The following NDUFB10 variants were observed in gnomAD, a reference collection of about 807,000 sequenced individuals.
The protein encoded by NDUFB10 is NADH:ubiquinone oxidoreductase subunit B10, also known as NADH dehydrogenase [ubiquinone] 1 beta subcomplex subunit 10.
NDUFB10 carries 23 observed loss-of-function variants against 19.0 expected under a neutral mutation model. The observed-to-expected ratio is 1.21, with a 90% CI of 0.87 to 1.71. NDUFB10 has a LOEUF of 1.71. Ranked by LOEUF, NDUFB10 falls within the 40% of genes most tolerant of loss-of-function variation. NDUFB10 has a pLI of 0.00. For missense variants in NDUFB10, 312 were observed against 230.6 expected (o/e 1.35, Z -2.29); for synonymous variants, 104 against 81.8 (o/e 1.27, Z -1.46).
chr16:1,961,762 C>T (rs1567316315), intron 3 of NDUFB10, 35 bp from the exon 4 acceptor site: 1 of 1,542,304 alleles, frequency 6.5e-7, no homozygotes. Flanking sequence ...GTAGCAGAGG[C>T]CTCGGTTCCC....
chr16:1,960,452 A>G (rs1356783882), intron 1 of NDUFB10, among the ~76,000 whole-genome samples: 1 of 152,112 alleles, frequency 6.6e-6, no homozygotes, highest in African/African-American at 2.4e-5. Context: ...CGAACTCCTG[A>G]CCTCAGGTGA....
Position 1,961,815 on chromosome 16 carries a change from A to G in NDUFB10, c.428A>G (p.Tyr143Cys). The G allele has an allele frequency of 6.4e-7, 1 of 1,557,774 alleles. No individual in the cohort carries two copies. Among genetic ancestry groups the G allele is most frequent in the Non-Finnish European group, 8.7e-7 (1 of 1,150,140 alleles). The stretch of plus-strand genomic sequence containing the variant: ...TCCCCAGATCAGGACCTGGGGGCCT[A>G]CAGTTCTGCCAGGAAGTGCCTGGCC... Reference protein sequence around the residue: ...YQDRYQDLGAYSSARKCLAKQ... With the variant: ...YQDRYQDLGACSSARKCLAKQ... The change falls in exon 4 of 4, where the codon TAC (tyrosine) becomes TGC (cysteine). Residue 143 changes from tyrosine to cysteine, a missense_variant. Coordinates refer to ENST00000268668, the MANE Select transcript of NDUFB10 (RefSeq NM_004548.3).
chr16:1,961,201 G>C lies in NDUFB10; in HGVS notation c.179G>C (p.Arg60Pro). The C allele has an allele frequency of 1.2e-6, 2 of 1,614,136 alleles. No homozygotes were observed. The highest frequency in any genetic ancestry group is 1.7e-6 in the Non-Finnish European group (2 of 1,180,042). The change falls in exon 2 of 4, where the codon CGG (arginine) becomes CCG (proline). Residue 60 changes from arginine (R) to proline (P), a missense_variant. Transcript: ENST00000268668. The part of the protein sequence containing the change: ...HAKNRYYYYH[R>P]QYRRVPDITE... The stretch of plus-strand genomic sequence containing the variant: ...AAGAACAGGTATTACTACTACCACC[G>C]GCAGTACCGCCGCGTGCCAGACATC...
rs760277392 is a variant in NDUFB10 at position 1,959,772 on chromosome 16, G to A, written c.130+18G>A. On this transcript the variant is annotated intron_variant, in intron 1 of 3. Transcript: ENST00000268668. ...CGTGAGAGGTACGAAGCCCCAGCCC[G>A]GGGCTCCCTCGCCGGCCTCTGGGGA... 6.2e-7 allele frequency: 1 copy of A among 1,612,196 alleles called. No homozygotes were observed. The highest frequency in any genetic ancestry group is 8.5e-7 in the Non-Finnish European group (1 of 1,179,242).
At position 1,961,191 on chromosome 16, in the gene NDUFB10, T is replaced by C; in HGVS notation, c.169T>C (p.Tyr57His). The change falls in exon 2 of 4, where the codon TAC becomes CAC. Residue 57 changes from tyrosine (Y) to histidine (H), a missense_variant. Transcript: ENST00000268668. ...ERQHAKNRYY[Y>H]YHRQYRRVPD... ...GCAGCACGCAAAGAACAGGTATTACTACTACCACCGGCAGTACCGCCGCGT... is the reference window on the plus strand; with the variant it reads ...GCAGCACGCAAAGAACAGGTATTACCACTACCACCGGCAGTACCGCCGCGT... 1 of 1,614,130 alleles carries C rather than the reference T, an allele frequency of 6.2e-7. No individual in the cohort carries two copies. The highest frequency in any genetic ancestry group is 1.1e-5 in the South Asian group (1 of 91,086).
Position 1,961,208 on chromosome 16 carries a change from C to G in NDUFB10, c.186C>G (p.Tyr62Ter). 6.2e-7 allele frequency: 1 copy of G among 1,614,142 alleles called. No homozygotes were observed. The highest frequency in any genetic ancestry group is 8.5e-7 in the Non-Finnish European group (1 of 1,180,032). Residue 62 changes from tyrosine (Y) to a stop codon, truncating the protein, a stop_gained, in exon 2 of 4, where the codon TAC becomes TAG. Coordinates refer to ENST00000268668, the MANE Select transcript of NDUFB10 (RefSeq NM_004548.3). LOFTEE classifies it high-confidence loss of function. ...GGTATTACTACTACCACCGGCAGTA[C>G]CGCCGCGTGCCAGACATCACTGAGT... The part of the protein sequence containing the change: ...KNRYYYYHRQ[Y>*]RRVPDITECK...
rs1202031674 is a variant in NDUFB10, at chr16:1,959,666, G to A, written c.42G>A (p.Pro14=). 1 of 1,612,700 alleles carries A rather than the reference G, an allele frequency of 6.2e-7. No homozygotes were observed. The highest frequency in any genetic ancestry group is 1.3e-5 in the African/African-American group (1 of 74,820). Residue 14 remains proline, a synonymous_variant, in exon 1 of 4, where the codon CCG becomes CCA. Transcript: ENST00000268668. ...ACAAGGATGTGTACCCTGAGCCCCC[G>A]CGCCGCACGCCGGTGCAGCCCAATC... ...SWDKDVYPEP[P]RRTPVQPNPI... is the part of the protein sequence containing the mutation.
At chr16:1,960,528 G>T (rs117020984) in intron 1 of NDUFB10, among the ~76,000 whole-genome samples, 3 of 152,314 alleles carry the variant, frequency 2.0e-5, no homozygotes, top group Non-Finnish European at 4.4e-5. Context: ...GCCTGGTTCA[G>T]TTCTTTTTGA....
Position 1,961,799 on chromosome 16 carries a change from C to CA in NDUFB10, c.413dup (p.Asp139GlyfsTer48). 1.9e-6 allele frequency: 3 copies of CA among 1,553,514 alleles called. No homozygotes were observed. Among genetic ancestry groups the CA allele is most frequent in the Non-Finnish European group, 2.6e-6 (3 of 1,147,796 alleles). On this transcript the variant is annotated frameshift_variant, in exon 4 of 4. Transcript: ENST00000268668. LOFTEE classifies it high-confidence loss of function. ...GCTTGTTTCCATTGCTTCCCCAGAT[C>CA]AGGACCTGGGGGCCTACAGTTCTGC... is the stretch of plus-strand genomic sequence containing the variant.
rs2083250802 is a variant in NDUFB10, at chr16:1,961,090, TAAG to T, written c.131-60_131-58del. The T allele has an allele frequency of 4.4e-6, 7 of 1,582,510 alleles. No individual in the cohort carries two copies. The South Asian group carries it at 5.7e-5, about 13-fold the overall frequency. ...TCCCCTCCAAAGGGCTTATGAGAAA[TAAG>T]AAAGCTAAAAGCCTGTCCAAACCGA... is the stretch of plus-strand genomic sequence containing the variant. On this transcript the variant is annotated intron_variant, in intron 1 of 3. Transcript: ENST00000268668.
chr16:1,961,855 G>T lies in NDUFB10; in HGVS notation c.468G>T (p.Arg156Ser). ...ARKCLAKQRQ[R>S]MLQERKAAKE... is the part of the protein sequence containing the mutation. The stretch of plus-strand genomic sequence containing the variant: ...AGTGCCTGGCCAAACAGAGGCAGAG[G>T]ATGCTGCAAGAGAGAAAAGCTGCAA... Residue 156 changes from arginine to serine, a missense_variant, in exon 4 of 4, where the codon AGG (arginine) becomes AGT (serine). By Grantham distance (110) the Arg-to-Ser change is moderately radical. Transcript: ENST00000268668. The T allele has an allele frequency of 6.4e-7, 1 of 1,565,474 alleles. No individual in the cohort carries two copies. The highest frequency in any genetic ancestry group is 8.7e-7 in the Non-Finnish European group (1 of 1,154,512).
chr16:1,959,685 C>G lies in NDUFB10; in HGVS notation c.61C>G (p.Pro21Ala). 1 of 1,613,364 alleles carries G rather than the reference C, an allele frequency of 6.2e-7. No individual in the cohort carries two copies. The highest frequency in any genetic ancestry group is 8.5e-7 in the Non-Finnish European group (1 of 1,179,766). ...GCCCCCGCGCCGCACGCCGGTGCAG[C>G]CCAATCCCATCGTCTACATGATGAA... ...PEPPRRTPVQ[P>A]NPIVYMMKAF... The change falls in exon 1 of 4, where the codon CCC (proline) becomes GCC (alanine). Residue 21 changes from proline to alanine, a missense_variant. Transcript: ENST00000268668.
rs748360281 is a variant in NDUFB10, at chr16:1,961,619, A to G, written c.392A>G (p.Lys131Arg). The G allele has an allele frequency of 6.2e-7, 1 of 1,613,270 alleles. No individual in the cohort carries two copies. Among genetic ancestry groups the G allele is most frequent in the Non-Finnish European group, 8.5e-7 (1 of 1,179,930 alleles). Residue 131 changes from lysine to arginine, a missense_variant, in exon 3 of 4, where the codon AAG becomes AGG. By Grantham distance (26) the Lys-to-Arg change is conservative. Transcript: ENST00000268668. ...GTGGAGCAGTTCACCCAGGTGGCCA[A>G]GGCCTACCAGGACCGCTGTGCGTGC... Reference protein sequence around the residue: ...KEVEQFTQVAKAYQDRYQDLG... With the variant: ...KEVEQFTQVARAYQDRYQDLG...
intron 1 of NDUFB10, 86 bp from the exon 2 acceptor site, chr16:1,961,067 C>T: frequency 6.7e-7 from 1 of 1,494,910 alleles, no homozygotes; most frequent in Non-Finnish European, 9.1e-7. Flanking sequence ...CTCCTCTCTC[C>T]CCTCCAAAGG....
Position 1,961,828 on chromosome 16 carries a change from GA to G in NDUFB10, c.443del (p.Lys148SerfsTer44). ...ACCTGGGGGCCTACAGTTCTGCCAG[GA>G]AGTGCCTGGCCAAACAGAGGCAGAG... ...QDLGAYSSAR[K>X]CLAKQRQRML... is the part of the protein sequence containing the mutation. On this transcript the variant is annotated frameshift_variant, in exon 4 of 4. Transcript: ENST00000268668. LOFTEE classifies it high-confidence loss of function. The G allele has an allele frequency of 6.4e-7, 1 of 1,561,072 alleles. No homozygotes were observed. Among genetic ancestry groups the G allele is most frequent in the Non-Finnish European group, 8.7e-7 (1 of 1,151,956 alleles).
Position 1,959,656 on chromosome 16 carries a change from C to A in NDUFB10, c.32C>A (p.Pro11His). 3 of 1,613,002 alleles carry A rather than the reference C, an allele frequency of 1.9e-6. No individual in the cohort carries two copies. The highest frequency in any genetic ancestry group is 2.5e-6 in the Non-Finnish European group (3 of 1,179,680). ...GACAGCTGGGACAAGGATGTGTACCCTGAGCCCCCGCGCCGCACGCCGGTG... is the reference window on the plus strand; with the variant it reads ...GACAGCTGGGACAAGGATGTGTACCATGAGCCCCCGCGCCGCACGCCGGTG... The part of the protein sequence containing the change: MPDSWDKDVY[P>H]EPPRRTPVQP... Residue 11 changes from proline (P) to histidine (H), a missense_variant, in exon 1 of 4, where the codon CCT becomes CAT. Pro to His is a moderately conservative substitution (Grantham distance 77, BLOSUM62 -2). Transcript: ENST00000268668.
Position 1,961,274 on chromosome 16 carries a change from G to A in NDUFB10, c.252G>A (p.Met84Ile). The part of the protein sequence containing the change: ...EDIMCMYEAE[M>I]QWKRDYKVDQ... The stretch of plus-strand genomic sequence containing the variant: ...TCATGTGCATGTATGAAGCCGAAAT[G>A]CAGTGGAAGAGGGACTAGTACGTGA... Residue 84 changes from methionine (M) to isoleucine (I), a missense_variant, in exon 2 of 4, where the codon ATG becomes ATA. Transcript: ENST00000268668. 1 of 1,614,032 alleles carries A rather than the reference G, an allele frequency of 6.2e-7. No homozygotes were observed. The highest frequency in any genetic ancestry group is 8.5e-7 in the Non-Finnish European group (1 of 1,180,036).
chr16:1,959,554 G>T lies in NDUFB10; in HGVS notation c.-71G>T, dbSNP rs571418450. Reference sequence around the variant, plus strand: ...GCGTCCTCTGTAGCGGGCGACCTAGGCCGCGGGACCCGGACGGAGGTAGAG... The same window carrying T: ...GCGTCCTCTGTAGCGGGCGACCTAGTCCGCGGGACCCGGACGGAGGTAGAG... On this transcript the variant is annotated 5_prime_UTR_variant, in exon 1 of 4. Transcript: ENST00000268668. 4.9e-5 allele frequency: 74 copies of T among 1,513,556 alleles called. 2 individuals carry two copies. In the South Asian group the frequency reaches 8.3e-4, roughly 17 times the overall value. 93.8% of individuals were successfully genotyped at this position (1,513,556 alleles called of 1,614,324 possible). A position where few individuals can be genotyped will look rare whatever the true frequency, so the allele number is the denominator to read the frequency against.
chr16:1,961,307 TG>T lies in NDUFB10; in HGVS notation c.269+19del. ...AGAGGGACTAGTACGTGAGCCATGC[TG>T]GGAGTGTGGAGATCTGCACCGTGTG... is the stretch of plus-strand genomic sequence containing the variant. On this transcript the variant is annotated intron_variant, in intron 2 of 3. Coordinates refer to ENST00000268668, the MANE Select transcript of NDUFB10 (RefSeq NM_004548.3). 12 of 1,613,784 alleles carry T rather than the reference TG, an allele frequency of 7.4e-6. No individual in the cohort carries two copies. The highest frequency in any genetic ancestry group is 1.0e-5 in the Non-Finnish European group (12 of 1,179,960).
Sources: gnomAD v4.1 joint callset for allele counts (sites outside exome capture counted in the v4.1 genomes callset) on GRCh38, gnomAD v4.1.1 for gene constraint, MANE v1.5 for transcripts, NCBI Gene and HGNC (gene_info 2026-07-23, HGNC 2026-07-21) for gene names.